The following MAMLD1 variants were observed in gnomAD, a reference collection of about 807,000 sequenced individuals.
The protein encoded by MAMLD1 is mastermind like domain containing 1.
MAMLD1 carries 14 observed loss-of-function variants against 45.0 expected under a neutral mutation model. The ratio of observed to expected loss-of-function variants is 0.31; its 90% CI spans 0.21 to 0.49. MAMLD1 has a LOEUF of 0.49. MAMLD1 is among the 20% of genes least tolerant of loss of function. The pLI is 0.99. For synonymous variants in MAMLD1, 254 were observed against 247.8 expected (o/e 1.02, Z -0.24); for missense variants, 543 against 603.6 (o/e 0.90, Z 1.05).
chrX:150,471,145 G>A lies in MAMLD1; in HGVS notation c.1572G>A (p.Gln524=), dbSNP rs781915260. 1 of 1,209,855 alleles carries A rather than the reference G, an allele frequency of 8.3e-7. No homozygotes were observed. Among genetic ancestry groups the A allele is most frequent in the East Asian group, 3.0e-5 (1 of 33,753 alleles). The change falls in exon 4 of 8, where the codon CAG becomes CAA. Residue 524 remains glutamine, a synonymous_variant. Coordinates refer to ENST00000370401, the MANE Select transcript of MAMLD1 (RefSeq NM_005491.5). The part of the protein sequence containing the change: ...SSKTLSMIMQ[Q]GMASSSPGAT... ...AAACCCTGAGCATGATCATGCAGCAGGGGATGGCAAGCTCCAGCCCAGGAG... is the reference window on the plus strand; with the variant it reads ...AAACCCTGAGCATGATCATGCAGCAAGGGATGGCAAGCTCCAGCCCAGGAG...
chrX:150,371,804 A>G (rs1340237774), intron 1 of MAMLD1, among the ~76,000 whole-genome samples: 2 of 111,733 alleles, frequency 1.8e-5, no homozygotes, highest in Non-Finnish European at 3.8e-5. Context: ...CAGTCAGTTG[A>G]CCATTGCACC....
At chrX:150,487,614 A>G (rs782761981) in intron 5 of MAMLD1, among the ~76,000 whole-genome samples, 2 of 111,714 alleles carry the variant, frequency 1.8e-5, no homozygotes, top group East Asian at 5.6e-4. Context: ...TGTGACATAG[A>G]TCAAGTTGGT....
At chrX:150,438,964 G>A (rs1388947080) in intron 1 of MAMLD1, among the ~76,000 whole-genome samples, 3 of 111,941 alleles carry the variant, frequency 2.7e-5, no homozygotes, top group Non-Finnish European at 5.6e-5. Flanking sequence ...ATTCCCACCA[G>A]CAATGTATGA....
chrX:150,429,252 G>A (rs782789043), intron 1 of MAMLD1, among the ~76,000 whole-genome samples: 1 of 110,664 alleles, frequency 9.0e-6, no homozygotes, highest in South Asian at 3.9e-4. Context: ...GAGGCCTCAG[G>A]CTTGGCCCCT....
intron 5 of MAMLD1, among the ~76,000 whole-genome samples, chrX:150,486,452 C>T (rs1198921260): frequency 8.9e-6 from 1 of 111,855 alleles, no homozygotes; most frequent in African/African-American, 3.3e-5. Context: ...AGCCAGGTTC[C>T]TCCTAAGCAC....
Position 150,470,687 on chromosome X carries a change from T to C in MAMLD1, c.1114T>C (p.Ser372Pro). ...PQSLMVSCMS[S>P]NTLSGSTLRG... ...GAGCCTCATGGTGTCCTGCATGTCG[T>C]CCAATACCTTGTCGGGTAGCACTCT... Residue 372 changes from serine (S) to proline (P), a missense_variant, in exon 4 of 8, where the codon TCC (serine) becomes CCC (proline). Coordinates refer to ENST00000370401, the MANE Select transcript of MAMLD1 (RefSeq NM_005491.5). 8.3e-7 allele frequency: 1 copy of C among 1,211,769 alleles called. No individual in the cohort carries two copies. The highest frequency in any genetic ancestry group is 1.1e-6 in the Non-Finnish European group (1 of 895,517).
At chrX:150,403,940 A>AAAAGAAGGAAAG (rs2033898633) in intron 1 of MAMLD1, among the ~76,000 whole-genome samples, 1 of 58,882 alleles carries the variant, frequency 1.7e-5, no homozygotes, top group African/African-American at 6.5e-5. Context: ...AGAAAGAAAG[A>AAAAGAAGGAAAG]AAAGAAAGAA....
intron 1 of MAMLD1, among the ~76,000 whole-genome samples, chrX:150,440,849 AT>A (rs1309864218): frequency 3.8e-5 from 4 of 104,902 alleles, no homozygotes; most frequent in Non-Finnish European, 7.8e-5. Flanking sequence ...TTAATATTAA[AT>A]TATTATTTAT....
intron 1 of MAMLD1, among the ~76,000 whole-genome samples, chrX:150,417,837 A>G (rs5970082): frequency 0.45 from 47,316 of 105,717 alleles, 9,198 homozygotes; most frequent in East Asian, 0.76. Context: ...CATGTCCTTC[A>G]CCCACTTTTT....
chrX:150,392,723 C>T (rs2124497303), intron 1 of MAMLD1, among the ~76,000 whole-genome samples: 1 of 110,247 alleles, frequency 9.1e-6, no homozygotes, highest in South Asian at 3.9e-4. Flanking sequence ...TTTAGGCCAC[C>T]TTTTCCACAG....
At chrX:150,509,720 T>C in intron 6 of MAMLD1, 1 of 399,307 alleles carries the variant, frequency 2.5e-6, no homozygotes, top group Non-Finnish European at 4.4e-6. Context: ...TTAAGTTCTG[T>C]CTCTCCTGCC....
At chrX:150,423,496 G>A (rs1557403663) in intron 1 of MAMLD1, among the ~76,000 whole-genome samples, 1 of 109,868 alleles carries the variant, frequency 9.1e-6, no homozygotes. Context: ...GTAGCAATTT[G>A]AGAGGAAGAT....
intron 2 of MAMLD1, among the ~76,000 whole-genome samples, chrX:150,453,799 G>T (rs1010441247): frequency 3.6e-5 from 4 of 112,059 alleles, no homozygotes; most frequent in African/African-American, 9.7e-5. Context: ...CCACCCCAGG[G>T]CCTTCCCACT....
chrX:150,431,702 C>T (rs2034953576), intron 1 of MAMLD1, among the ~76,000 whole-genome samples: 1 of 107,683 alleles, frequency 9.3e-6, no homozygotes, highest in South Asian at 4.1e-4. Context: ...AGGATAATGT[C>T]CACCAGCTCC....
chrX:150,455,007 C>G (rs887962736), intron 2 of MAMLD1, among the ~76,000 whole-genome samples: 4 of 111,974 alleles, frequency 3.6e-5, no homozygotes, highest in South Asian at 3.8e-4. Context: ...CTATCTCTCT[C>G]TCATGTACAC....
rs782030564 is a variant in MAMLD1, at chrX:150,377,385, C to T, written c.-64+13855C>T. Among the ~76,000 whole-genome samples the T allele has an allele frequency of 3.5e-5, 4 of 113,421 alleles. No individual in the cohort carries two copies. The East Asian group carries it at 1.1e-3, about 31-fold the overall frequency. ...AGATTGTTATATTTGGAAGATGTGA[C>T]TTGACCAGTACAGTACATGACCTTT... On this transcript the variant is annotated intron_variant, in intron 1 of 7. Transcript: ENST00000370401.
rs60312583 is a variant in MAMLD1, at chrX:150,485,064, G to A, written c.2040+11262G>A. Among the ~76,000 whole-genome samples the A allele has an allele frequency of 5.4e-3, 603 of 111,077 alleles. 4 individuals carry two copies. The highest frequency in any genetic ancestry group is 0.019 in the African/African-American group (578 of 30,548). The stretch of plus-strand genomic sequence containing the variant: ...CTGCTAAACTGATCAAATGCTCCAC[G>A]TACATTTGTCCCAGTAGAGAGGAAA... On this transcript the variant is annotated intron_variant, in intron 5 of 7. Coordinates refer to ENST00000370401, the MANE Select transcript of MAMLD1 (RefSeq NM_005491.5).
At chrX:150,445,117 A>G (rs1247338413) in intron 1 of MAMLD1, among the ~76,000 whole-genome samples, 2 of 112,333 alleles carry the variant, frequency 1.8e-5, no homozygotes, top group Non-Finnish European at 3.8e-5. Flanking sequence ...CATATCACAC[A>G]AAAGCAAATC....
At chrX:150,461,400 G>C (rs2036034707) in intron 2 of MAMLD1, among the ~76,000 whole-genome samples, 1 of 112,823 alleles carries the variant, frequency 8.9e-6, no homozygotes, top group South Asian at 3.7e-4. Flanking sequence ...TACTGCTTGA[G>C]AGTGTTTTCC....
Sources: allele counts gnomAD v4.1 joint callset (sites outside exome capture counted in the v4.1 genomes callset), GRCh38; gene constraint gnomAD v4.1.1; transcripts MANE v1.5; gene names NCBI Gene and HGNC (gene_info 2026-07-23, HGNC 2026-07-21).